The following STK31 variants were observed in gnomAD, a reference collection of about 807,000 sequenced individuals.
STK31 encodes serine/threonine kinase 31, also known as serine/threonine-protein kinase 31.
STK31 carries 89 observed loss-of-function variants against 129.7 expected under a neutral mutation model. The ratio of observed to expected loss-of-function variants is 0.69; its 90% CI spans 0.58 to 0.82. The LOEUF is 0.82. STK31 is among the 40% of genes least tolerant of loss of function. The pLI is 0.00. For missense variants in STK31, 1,187 were observed against 1,176.4 expected (o/e 1.01, Z -0.13); for synonymous variants, 448 against 395.3 (o/e 1.13, Z -1.58).
chr7:23,761,927 CTTTTATAG>C (rs974656241), intron 10 of STK31, among the ~76,000 whole-genome samples: 6 of 149,578 alleles, frequency 4.0e-5, no homozygotes, highest in African/African-American at 1.5e-4. Flanking sequence ...AAAATTCAGG[CTTTTATAG>C]TTTTATAGTT....
chr7:23,724,555 A>G (rs1017479893), intron 4 of STK31, among the ~76,000 whole-genome samples: 15 of 152,234 alleles, frequency 9.9e-5, no homozygotes, highest in African/African-American at 3.6e-4. Context: ...GCAATAAACC[A>G]TTGCATATCT....
chr7:23,812,342 T>G (rs1793187905), intron 22 of STK31, among the ~76,000 whole-genome samples: 2 of 151,916 alleles, frequency 1.3e-5, no homozygotes, highest in South Asian at 4.2e-4. Context: ...TAGTGTTTTA[T>G]TTCTCTGTGG....
At chr7:23,823,298 G>A (rs2128130959) in intron 23 of STK31, among the ~76,000 whole-genome samples, 1 of 152,244 alleles carries the variant, frequency 6.6e-6, no homozygotes, top group African/African-American at 2.4e-5. Context: ...TCTAACTGGT[G>A]TGAGATGGTA....
At chr7:23,794,776 C>T (rs1054203309) in intron 22 of STK31, among the ~76,000 whole-genome samples, 1 of 152,072 alleles carries the variant, frequency 6.6e-6, no homozygotes, top group Admixed American at 6.6e-5. Flanking sequence ...GCATTTTGCC[C>T]CTGTCCTAGA....
At chr7:23,713,058 A>T (rs1373990801) in intron 3 of STK31, among the ~76,000 whole-genome samples, 1 of 152,186 alleles carries the variant, frequency 6.6e-6, no homozygotes, top group East Asian at 1.9e-4. Flanking sequence ...ATATATAGTC[A>T]TGCATCACTT....
chr7:23,799,684 G>C (rs1792239373), intron 22 of STK31, among the ~76,000 whole-genome samples: 1 of 152,182 alleles, frequency 6.6e-6, no homozygotes, highest in Non-Finnish European at 1.5e-5. Flanking sequence ...CATGGGCAAA[G>C]ACTTCATGAC....
chr7:23,746,638 A>G (rs1236527666), intron 8 of STK31, among the ~76,000 whole-genome samples: 2 of 152,128 alleles, frequency 1.3e-5, no homozygotes, highest in African/African-American at 4.8e-5. Flanking sequence ...TAAGTAATCT[A>G]GAGAAGGGAA....
chr7:23,721,540 C>CTT, intron 4 of STK31: 26 of 786,936 alleles, frequency 3.3e-5, no homozygotes, highest in Non-Finnish European at 4.2e-5. Flanking sequence ...GTTTAACTCT[C>CTT]TTTTTTTTTT....
intron 15 of STK31, among the ~76,000 whole-genome samples, chr7:23,780,273 T>C (rs1350184990): frequency 6.6e-6 from 1 of 152,280 alleles, no homozygotes; most frequent in Middle Eastern, 3.4e-3. Context: ...ACCGGAGCTG[T>C]TACTATTTGG....
At chr7:23,721,613 C>G (rs1370157246) in intron 4 of STK31, 2 of 924,916 alleles carry the variant, frequency 2.2e-6, no homozygotes, top group African/African-American at 3.2e-5. Context: ...TATGAAATTT[C>G]TAAGTGTGCG....
intron 6 of STK31, among the ~76,000 whole-genome samples, chr7:23,731,199 T>C (rs574768436): frequency 6.6e-6 from 1 of 151,926 alleles, no homozygotes; most frequent in Non-Finnish European, 1.5e-5. Flanking sequence ...ATTTGGATGC[T>C]TAGTTCAGTA....
intron 17 of STK31, among the ~76,000 whole-genome samples, chr7:23,785,088 A>C (rs1489018454): frequency 6.6e-6 from 1 of 152,192 alleles, no homozygotes; most frequent in East Asian, 1.9e-4. Context: ...CCATCACCTG[A>C]GTGGTGTACA....
intron 21 of STK31, among the ~76,000 whole-genome samples, chr7:23,789,477 T>C (rs1056200492): frequency 2.6e-5 from 4 of 152,152 alleles, no homozygotes; most frequent in Non-Finnish European, 5.9e-5. Context: ...GTATATGTTA[T>C]AATGCTTTTA....
chr7:23,730,350 TCTG>T (rs1351485008), intron 6 of STK31, among the ~76,000 whole-genome samples: 2 of 152,196 alleles, frequency 1.3e-5, no homozygotes, highest in Non-Finnish European at 2.9e-5. Flanking sequence ...TATAGTTTTG[TCTG>T]CTATGTAGTT....
chr7:23,710,268 G>C lies in STK31; in HGVS notation c.-18G>C, dbSNP rs1785846238. ...CGCTGCACGTGTGCTACGGCGGGCGGAGGGCCGAAAGTCCAGTATGTGGGT... is the reference window on the plus strand; with the variant it reads ...CGCTGCACGTGTGCTACGGCGGGCGCAGGGCCGAAAGTCCAGTATGTGGGT... On this transcript the variant is annotated 5_prime_UTR_variant, in exon 1 of 24. Transcript: ENST00000355870. 1.2e-5 allele frequency: 19 copies of C among 1,610,612 alleles called. No individual in the cohort carries two copies. The highest frequency in any genetic ancestry group is 1.6e-5 in the Non-Finnish European group (19 of 1,179,488).
At chr7:23,767,542 C>T (rs979123948) in intron 11 of STK31, among the ~76,000 whole-genome samples, 2 of 152,218 alleles carry the variant, frequency 1.3e-5, no homozygotes, top group Non-Finnish European at 2.9e-5. Context: ...GCCTCAGCTA[C>T]TGCTCCTTTC....
chr7:23,765,827 G>C (rs551042123), intron 11 of STK31, among the ~76,000 whole-genome samples: 2 of 152,120 alleles, frequency 1.3e-5, no homozygotes, highest in Non-Finnish European at 2.9e-5. Context: ...GATTACAGGC[G>C]TGAGCCACTG....
At chr7:23,721,645 G>T in intron 4 of STK31, 1 of 844,866 alleles carries the variant, frequency 1.2e-6, no homozygotes, top group Non-Finnish European at 2.1e-6. Context: ...TACAAGCCAA[G>T]CCCTGTGGAT....
chr7:23,760,594 A>C (rs1030529527), intron 10 of STK31, among the ~76,000 whole-genome samples: 2 of 152,194 alleles, frequency 1.3e-5, no homozygotes, highest in Non-Finnish European at 2.9e-5. Context: ...TTTATAAGTG[A>C]GGAAACAGGC....
Sources: allele counts gnomAD v4.1 joint callset (sites outside exome capture counted in the v4.1 genomes callset), GRCh38; gene constraint gnomAD v4.1.1; transcripts MANE v1.5; gene names NCBI Gene and HGNC (gene_info 2026-07-23, HGNC 2026-07-21).